ZFAT: variants seen among roughly 807,000 people sequenced by gnomAD.
ZFAT encodes the protein zinc finger and AT-hook domain containing, also known as zinc finger protein ZFAT.
Under a neutral mutation model 117.7 loss-of-function variants are expected in ZFAT, and 64 were observed. The ratio of observed to expected loss-of-function variants is 0.54; its 90% confidence interval spans 0.44 to 0.67. The LOEUF is 0.67. ZFAT is among the 30% of genes least tolerant of loss of function. The pLI is 0.00. For synonymous variants in ZFAT, 679 were observed against 615.0 expected (o/e 1.10, Z -1.54); for missense variants, 1,433 against 1,584.5 (o/e 0.90, Z 1.62).
intron 15 of ZFAT, among the ~76,000 whole-genome samples, chr8:134,499,641 C>T (rs544455741): frequency 1.3e-5 from 2 of 151,610 alleles, no homozygotes; most frequent in African/African-American, 4.9e-5. Flanking sequence ...GTGATGCCCC[C>T]GTTGCTGGTT....
At chr8:134,754,454 T>C in the ZFAT span, among the ~76,000 whole-genome samples, 1 of 152,358 alleles carries the variant, frequency 6.6e-6, no homozygotes, top group African/African-American at 2.4e-5. Context: ...CCAGTCAGTA[T>C]ACAGCATGGG....
At chr8:134,531,982 C>A (rs1000658154) in intron 12 of ZFAT, among the ~76,000 whole-genome samples, 13 of 152,216 alleles carry the variant, frequency 8.5e-5, no homozygotes, top group Non-Finnish European at 1.5e-5. Flanking sequence ...TTCAAATAGT[C>A]ACAGGACTTA....
intron 11 of ZFAT, among the ~76,000 whole-genome samples, chr8:134,547,725 A>T (rs1181132410): frequency 6.6e-6 from 1 of 152,250 alleles, no homozygotes; most frequent in Non-Finnish European, 1.5e-5. Flanking sequence ...ATACACTTAC[A>T]GATAGTAAAC....
intron 2 of ZFAT, among the ~76,000 whole-genome samples, chr8:134,643,311 C>T (rs1485895207): frequency 6.6e-6 from 1 of 152,204 alleles, no homozygotes; most frequent in African/African-American, 2.4e-5. Flanking sequence ...GTCCTTTGGA[C>T]AGTTCAATTA....
At chr8:134,647,168 C>G (rs189337576) in intron 2 of ZFAT, among the ~76,000 whole-genome samples, 2 of 152,070 alleles carry the variant, frequency 1.3e-5, no homozygotes, top group African/African-American at 4.8e-5. Context: ...AAAAATTACA[C>G]GCCATGATAA....
chr8:134,743,110 C>A, the ZFAT span, among the ~76,000 whole-genome samples: 4 of 152,368 alleles, frequency 2.6e-5, no homozygotes, highest in Admixed American at 2.6e-4. Context: ...CGTGGTGAAA[C>A]CATCTCTATG....
At chr8:134,633,673 A>G (rs1830030776) in intron 3 of ZFAT, among the ~76,000 whole-genome samples, 1 of 152,196 alleles carries the variant, frequency 6.6e-6, no homozygotes, top group South Asian at 2.1e-4. Flanking sequence ...GCTCCACCAC[A>G]TATGGGCTGT....
At chr8:134,656,767 C>A (rs1831631296) in intron 2 of ZFAT, among the ~76,000 whole-genome samples, 1 of 152,210 alleles carries the variant, frequency 6.6e-6, no homozygotes, top group Non-Finnish European at 1.5e-5. Flanking sequence ...AGGTGCCCAG[C>A]TGCTGTCCTT....
the ZFAT span, among the ~76,000 whole-genome samples, chr8:134,771,960 C>T: frequency 6.6e-6 from 1 of 152,148 alleles, no homozygotes; most frequent in Non-Finnish European, 1.5e-5. Flanking sequence ...TTTTTAAACC[C>T]ATCAGACCTC....
At chr8:134,541,354 C>G (rs558293042) in intron 11 of ZFAT, among the ~76,000 whole-genome samples, 3 of 152,158 alleles carry the variant, frequency 2.0e-5, no homozygotes, top group Non-Finnish European at 1.5e-5. Context: ...CACTAGTACA[C>G]GAACACGCTC....
In ZFAT at chr8:134,702,861, C is replaced by T. The variant is rs142391757; in HGVS notation, c.19+9984G>A. Among the ~76,000 whole-genome samples, 701 of 152,148 alleles carry T rather than the reference C, an allele frequency of 4.6e-3. 5 individuals carry two copies. Among genetic ancestry groups the T allele is most frequent in the African/African-American group, 0.016 (647 of 41,486 alleles). On this transcript the variant is annotated intron_variant, in intron 1 of 15. Transcript: ENST00000377838. ...TAATTTCTTGTATTTTTAGTAGAGA[C>T]GGGGTTTCACCATGTTAGCCAGGAT...
upstream of ZFAT, chr8:134,713,052 C>A (rs1814084963): frequency 3.2e-6 from 2 of 619,544 alleles, no homozygotes; most frequent in South Asian, 7.4e-5. Context: ...CCCTCCTCCC[C>A]ACGGGGCGCA....
intron 13 of ZFAT, among the ~76,000 whole-genome samples, chr8:134,517,536 T>C (rs1820339730): frequency 6.6e-6 from 1 of 152,234 alleles, no homozygotes; most frequent in African/African-American, 2.4e-5. Context: ...TCTTAACATC[T>C]TTCGTAATCA....
chr8:134,826,865 AAC>A, the ZFAT span, among the ~76,000 whole-genome samples: 1 of 152,364 alleles, frequency 6.6e-6, no homozygotes, highest in Non-Finnish European at 1.5e-5. Context: ...AAATAAACGG[AAC>A]AGTTTTTACA....
the ZFAT span, among the ~76,000 whole-genome samples, chr8:134,754,726 C>G: frequency 1.3e-5 from 2 of 152,248 alleles, no homozygotes; most frequent in African/African-American, 4.8e-5. Context: ...ACCCTTAGCC[C>G]ATGGGCTCTG....
At chr8:134,617,030 C>T (rs1828795478) in intron 3 of ZFAT, among the ~76,000 whole-genome samples, 1 of 152,160 alleles carries the variant, frequency 6.6e-6, no homozygotes. Context: ...TCTGGGACAC[C>T]ACCCCAAAGA....
the ZFAT span, among the ~76,000 whole-genome samples, chr8:134,754,442 G>A: frequency 6.6e-6 from 1 of 152,180 alleles, no homozygotes; most frequent in Non-Finnish European, 1.5e-5. Context: ...GGCCAAGGTC[G>A]TCCAGTCAGT....
chr8:134,549,816 C>A (rs1211212906), intron 11 of ZFAT, among the ~76,000 whole-genome samples: 3 of 152,086 alleles, frequency 2.0e-5, no homozygotes, highest in Non-Finnish European at 4.4e-5. Context: ...CCACCTGACC[C>A]AAACAAACAC....
At chr8:134,793,684 G>GT in the ZFAT span, 1 of 151,678 alleles carries the variant, frequency 6.6e-6, no homozygotes, top group East Asian at 1.9e-4. Context: ...ACCTCCTGCT[G>GT]TGCAGCCCAG....
Sources: allele counts gnomAD v4.1 joint callset (sites outside exome capture counted in the v4.1 genomes callset), GRCh38; gene constraint gnomAD v4.1.1; transcripts MANE v1.5; gene names NCBI Gene and HGNC (gene_info 2026-07-23, HGNC 2026-07-21).